The following NKAIN3 variants were observed in gnomAD, a reference collection of about 807,000 sequenced individuals.
The protein encoded by NKAIN3 is sodium/potassium-transporting ATPase subunit beta-1-interacting protein 3.
A neutral mutation model predicts 30.2 loss-of-function variants in NKAIN3; 25 were observed. The ratio of observed to expected loss-of-function variants is 0.83; its 90% CI spans 0.60 to 1.16. The LOEUF (loss-of-function observed/expected upper bound fraction) is 1.16, where lower values mean the gene tolerates loss of function less well. Ranked by LOEUF, NKAIN3 falls within the 50% of genes most tolerant of loss-of-function variation. The pLI is 0.00. For missense variants in NKAIN3, 225 were observed against 254.1 expected (o/e 0.89, Z 0.78); for synonymous variants, 91 against 89.6 (o/e 1.02, Z -0.09).
chr8:62,357,784 AAG>A (rs899169442), intron 1 of NKAIN3, among the ~76,000 whole-genome samples: 1 of 152,166 alleles, frequency 6.6e-6, no homozygotes, highest in African/African-American at 2.4e-5. Flanking sequence ...TTGCAAGAAA[AAG>A]AGAGATATGT....
chr8:62,635,823 C>A (rs1417726275), intron 3 of NKAIN3, among the ~76,000 whole-genome samples: 1 of 152,038 alleles, frequency 6.6e-6, no homozygotes, highest in Non-Finnish European at 1.5e-5. Flanking sequence ...GTTATAGCAG[C>A]CTAAATGGAC....
chr8:62,631,454 A>G (rs1811957425), intron 3 of NKAIN3, among the ~76,000 whole-genome samples: 1 of 152,174 alleles, frequency 6.6e-6, no homozygotes, highest in Admixed American at 6.6e-5. Flanking sequence ...TCCTGATGTC[A>G]GAATAATTTT....
At chr8:62,249,149 G>A (rs1453887103) in intron 1 of NKAIN3, 22 bp downstream of exon 1, 41 of 1,523,638 alleles carry the variant, frequency 2.7e-5, no homozygotes, top group Non-Finnish European at 3.5e-5. Context: ...GAGGGCCCCT[G>A]CCCCAGGACA....
rs1244859713 is a variant in NKAIN3 at position 62,977,253 on chromosome 8, G to A, written c.*11846G>A. 6.6e-6 allele frequency among the ~76,000 whole-genome samples: 1 copy of A among 152,102 alleles called. No individual in the cohort carries two copies. The highest frequency in any genetic ancestry group is 1.5e-5 in the Non-Finnish European group (1 of 68,034). ...TTTCCTAAGCCTGCCTTGCGAGGTTGGGGAAGTTCTCCTGGATTATATCCT... is the reference window on the plus strand; with the variant it reads ...TTTCCTAAGCCTGCCTTGCGAGGTTAGGGAAGTTCTCCTGGATTATATCCT... On this transcript the variant is annotated 3_prime_UTR_variant, in exon 7 of 7. Transcript: ENST00000623646.
intron 1 of NKAIN3, among the ~76,000 whole-genome samples, chr8:62,442,093 A>C (rs985118631): frequency 3.3e-5 from 5 of 152,182 alleles, no homozygotes; most frequent in Admixed American, 1.3e-4. Context: ...TTGTTGAGAT[A>C]TAAAAGCTAA....
chr8:62,912,372 C>A (rs572743782), intron 4 of NKAIN3, among the ~76,000 whole-genome samples: 94 of 152,208 alleles, frequency 6.2e-4, no homozygotes, highest in African/African-American at 2.1e-3. Flanking sequence ...AAACACTGTA[C>A]ACTTAGGCTA....
chr8:62,364,180 G>A (rs1315075099), intron 1 of NKAIN3, among the ~76,000 whole-genome samples: 4 of 152,170 alleles, frequency 2.6e-5, no homozygotes, highest in Non-Finnish European at 1.5e-5. Flanking sequence ...GTGTTCTGTT[G>A]TAGGTCCATT....
intron 1 of NKAIN3, among the ~76,000 whole-genome samples, chr8:62,322,294 G>T (rs2129589516): frequency 6.6e-6 from 1 of 152,246 alleles, no homozygotes; most frequent in African/African-American, 2.4e-5. Flanking sequence ...GCAATGCCTT[G>T]CCCTGGTTCG....
At chr8:62,295,868 G>A (rs1053835250) in intron 1 of NKAIN3, among the ~76,000 whole-genome samples, 2 of 152,016 alleles carry the variant, frequency 1.3e-5, no homozygotes, top group Non-Finnish European at 2.9e-5. Context: ...CTATGTGCTG[G>A]GGATATAGCA....
At chr8:62,401,072 T>C (rs1296095459) in intron 1 of NKAIN3, among the ~76,000 whole-genome samples, 2 of 148,768 alleles carry the variant, frequency 1.3e-5, no homozygotes, top group Admixed American at 6.7e-5. Context: ...TCTTAGATTT[T>C]CCCTTTTGAA....
intron 4 of NKAIN3, among the ~76,000 whole-genome samples, chr8:62,796,145 A>C (rs1475507999): frequency 4.6e-5 from 7 of 151,978 alleles, no homozygotes; most frequent in Admixed American, 4.6e-4. Flanking sequence ...GCACTTTCGG[A>C]GGCAGAGACA....
chr8:62,486,235 G>A (rs575002643), intron 1 of NKAIN3, among the ~76,000 whole-genome samples: 2 of 152,180 alleles, frequency 1.3e-5, no homozygotes, highest in African/African-American at 2.4e-5. Flanking sequence ...GAGACAGATA[G>A]AGTGGACGTT....
At chr8:62,790,847 G>C (rs932432345) in intron 4 of NKAIN3, among the ~76,000 whole-genome samples, 1 of 151,902 alleles carries the variant, frequency 6.6e-6, no homozygotes, top group South Asian at 2.1e-4. Flanking sequence ...AGGGAGATTC[G>C]GCTTAGCCCT....
intron 1 of NKAIN3, among the ~76,000 whole-genome samples, chr8:62,373,710 G>C (rs574873533): frequency 2.0e-4 from 31 of 152,188 alleles, no homozygotes; most frequent in Non-Finnish European, 4.3e-4. Context: ...TGAAGAAAAT[G>C]AGTTGCCATT....
chr8:62,930,349 G>A (rs1219110275), intron 5 of NKAIN3, among the ~76,000 whole-genome samples: 2 of 152,024 alleles, frequency 1.3e-5, no homozygotes, highest in Non-Finnish European at 2.9e-5. Flanking sequence ...CGCCTCTCCG[G>A]TTCAAACAAT....
chr8:62,322,178 A>G (rs1279186266), intron 1 of NKAIN3, among the ~76,000 whole-genome samples: 1 of 152,188 alleles, frequency 6.6e-6, no homozygotes, highest in Non-Finnish European at 1.5e-5. Context: ...CCATTGGAAA[A>G]GTGCAGTATT....
At chr8:62,379,509 C>T (rs1347017378) in intron 1 of NKAIN3, among the ~76,000 whole-genome samples, 1 of 152,096 alleles carries the variant, frequency 6.6e-6, no homozygotes, top group Non-Finnish European at 1.5e-5. Context: ...TTGTGGGAGA[C>T]CCAGTGAGAG....
At chr8:62,480,624 G>A (rs754605774) in intron 1 of NKAIN3, among the ~76,000 whole-genome samples, 1 of 151,596 alleles carries the variant, frequency 6.6e-6, no homozygotes, top group Non-Finnish European at 1.5e-5. Flanking sequence ...TTTCAAAATG[G>A]CCCTAGGAGA....
At chr8:62,505,880 T>C (rs533607131) in intron 1 of NKAIN3, among the ~76,000 whole-genome samples, 2 of 152,244 alleles carry the variant, frequency 1.3e-5, no homozygotes, top group Non-Finnish European at 2.9e-5. Context: ...TGGGCTAAAA[T>C]CAAGACTCTG....
Sources: allele counts gnomAD v4.1 joint callset (sites outside exome capture counted in the v4.1 genomes callset), GRCh38; gene constraint gnomAD v4.1.1; transcripts MANE v1.5; gene names NCBI Gene and HGNC (gene_info 2026-07-23, HGNC 2026-07-21).